The following PDE8A variants were observed in gnomAD, a reference collection of about 807,000 sequenced individuals.
The protein encoded by PDE8A is phosphodiesterase 8A, also known as high affinity cAMP-specific and IBMX-insensitive 3',5'-cyclic phosphodiesterase 8A.
A neutral mutation model predicts 105.0 loss-of-function variants in PDE8A; 59 were observed. That is an observed-to-expected ratio of 0.56 (90% CI 0.46 to 0.70). The LOEUF (loss-of-function observed/expected upper bound fraction) is 0.70. PDE8A is among the 30% of genes least tolerant of loss of function. The pLI is 0.00. For missense variants in PDE8A, 1,014 were observed against 1,045.9 expected (o/e 0.97, Z 0.42); for synonymous variants, 355 against 371.9 (o/e 0.95, Z 0.52).
Position 85,095,875 on chromosome 15 carries a change from T to TATATATATA in PDE8A, c.853-2073_853-2072insATATATATA, listed in dbSNP as rs200233444. The stretch of plus-strand genomic sequence containing the variant: ...AAGATCCTGAATATATATATATATA[T>TATATATATA]TTTTTTTATATATATATTTTTTGTT... On this transcript the variant is annotated intron_variant, in intron 8 of 21. Transcript: ENST00000394553. Among the ~76,000 whole-genome samples, 737 of 145,694 alleles carry TATATATATA rather than the reference T, an allele frequency of 5.1e-3. 5 individuals carry two copies. Among genetic ancestry groups the TATATATATA allele is most frequent in the African/African-American group, 0.016 (644 of 40,154 alleles).
At chr15:85,039,439 A>C (rs2080764451) in intron 1 of PDE8A, among the ~76,000 whole-genome samples, 1 of 152,082 alleles carries the variant, frequency 6.6e-6, no homozygotes, top group Non-Finnish European at 1.5e-5. Context: ...AAAAAAAAAA[A>C]AGATGGAAAA....
chr15:85,114,386 G>C (rs982713281), intron 14 of PDE8A, among the ~76,000 whole-genome samples: 1 of 152,190 alleles, frequency 6.6e-6, no homozygotes, highest in Admixed American at 6.5e-5. Context: ...GTGTAGAACA[G>C]AAAGATTGTC....
intron 4 of PDE8A, 145 bp downstream of exon 4, chr15:85,076,063 G>C (rs899894314): frequency 3.8e-6 from 2 of 528,882 alleles, no homozygotes; most frequent in African/African-American, 3.9e-5. Flanking sequence ...ATTTTATTTT[G>C]CTGCTTCAGT....
Position 85,041,237 on chromosome 15 carries a change from A to G in PDE8A, c.187-23133A>G, listed in dbSNP as rs184040185. ...ATTCATTACAAGTCAACTCAACCCC[A>G]AACCTATTTCCTACAGCATGACTGA... On this transcript the variant is annotated intron_variant, in intron 1 of 21. Coordinates refer to ENST00000394553, the MANE Select transcript of PDE8A (RefSeq NM_002605.3). 4.6e-4 allele frequency among the ~76,000 whole-genome samples: 70 copies of G among 152,378 alleles called. 1 individual carries two copies. The East Asian group carries it at 0.011, about 24-fold the overall frequency.
In PDE8A at chr15:85,076,409, A is replaced by T. The variant is rs182490738; in HGVS notation, c.492-324A>T. Among the ~76,000 whole-genome samples the T allele has an allele frequency of 6.6e-3, 981 of 148,318 alleles. 17 individuals are homozygous for T. Among genetic ancestry groups the T allele is most frequent in the African/African-American group, 0.023 (935 of 40,522 alleles). The stretch of plus-strand genomic sequence containing the variant: ...CTGAGCTGTAGGGGAGAAAGGAATT[A>T]AAAAAAAAACCTGGAAGTAGAAGAA... On this transcript the variant is annotated intron_variant, in intron 4 of 21. Coordinates refer to ENST00000394553, the MANE Select transcript of PDE8A (RefSeq NM_002605.3).
At chr15:84,982,533 C>G (rs2079733413) in intron 1 of PDE8A, among the ~76,000 whole-genome samples, 185 bp downstream of exon 1, 1 of 152,198 alleles carries the variant, frequency 6.6e-6, no homozygotes, top group African/African-American at 2.4e-5. Context: ...AGGACCGACC[C>G]AGGTCCCGCG....
At chr15:85,051,367 T>A (rs2080969518) in intron 1 of PDE8A, among the ~76,000 whole-genome samples, 1 of 152,254 alleles carries the variant, frequency 6.6e-6, no homozygotes. Context: ...GCATCCTTGC[T>A]TTGTTCCTGA....
chr15:85,132,659 T>C (rs1449713842), intron 20 of PDE8A, among the ~76,000 whole-genome samples: 1 of 152,038 alleles, frequency 6.6e-6, no homozygotes, highest in Admixed American at 6.5e-5. Context: ...AGAGATGAGG[T>C]TTCGCCAGGC....
chr15:85,136,902 A>G (rs2082419869), intron 21 of PDE8A, among the ~76,000 whole-genome samples: 1 of 152,094 alleles, frequency 6.6e-6, no homozygotes, highest in African/African-American at 2.4e-5. Flanking sequence ...GGGGCCCCAC[A>G]GCTTGTAGTA....
upstream of PDE8A, among the ~76,000 whole-genome samples, chr15:84,981,083 A>C (rs975400916): frequency 1.2e-4 from 19 of 152,196 alleles, no homozygotes; most frequent in Admixed American, 3.9e-4. Context: ...CAGGGCTCAC[A>C]CTTGGTGACC....
chr15:85,006,321 G>T (rs2080147064), intron 1 of PDE8A, among the ~76,000 whole-genome samples: 1 of 152,062 alleles, frequency 6.6e-6, no homozygotes, highest in Non-Finnish European at 1.5e-5. Flanking sequence ...GAGGGACAAG[G>T]TTCTGAACAA....
chr15:85,071,118 A>G (rs1437995663), intron 3 of PDE8A, among the ~76,000 whole-genome samples: 1 of 152,242 alleles, frequency 6.6e-6, no homozygotes, highest in Non-Finnish European at 1.5e-5. Flanking sequence ...TCTCTACTGT[A>G]TCTGTCGTAC....
intron 12 of PDE8A, among the ~76,000 whole-genome samples, chr15:85,111,721 C>A (rs1303570924): frequency 6.6e-6 from 1 of 152,188 alleles, no homozygotes; most frequent in Admixed American, 6.5e-5. Flanking sequence ...ATACACACAT[C>A]CTCCTGGGAT....
At chr15:85,026,494 A>T (rs1046852901) in intron 1 of PDE8A, among the ~76,000 whole-genome samples, 2 of 152,170 alleles carry the variant, frequency 1.3e-5, no homozygotes, top group South Asian at 4.1e-4. Context: ...GAACAAGGAC[A>T]TTTGATAACC....
chr15:85,097,971 C>G lies in PDE8A; in HGVS notation c.876C>G (p.Ala292=). 1 of 1,591,638 alleles carries G rather than the reference C, an allele frequency of 6.3e-7. No homozygotes were observed. The highest frequency in any genetic ancestry group is 8.6e-7 in the Non-Finnish European group (1 of 1,160,356). Residue 292 remains alanine, a synonymous_variant, in exon 9 of 22, where the codon GCC becomes GCG. Coordinates refer to ENST00000394553, the MANE Select transcript of PDE8A (RefSeq NM_002605.3). The stretch of plus-strand genomic sequence containing the variant: ...AGGAGTGGCAAGGAATTTACTATGC[C>G]AAAAAGAAAAACGGAGATAATATAC... ...IGKEWQGIYY[A]KKKNGDNIQQ... is the part of the protein sequence containing the mutation.
intron 11 of PDE8A, among the ~76,000 whole-genome samples, chr15:85,106,275 C>A (rs762482403): frequency 1.3e-5 from 2 of 152,008 alleles, no homozygotes; most frequent in Non-Finnish European, 2.9e-5. Flanking sequence ...CTCCTTTCTG[C>A]CCCCACTCCC....
Position 85,012,909 on chromosome 15 carries a change from C to G in PDE8A, c.186+30561C>G, listed in dbSNP as rs182009656. On this transcript the variant is annotated intron_variant, in intron 1 of 21. Coordinates refer to ENST00000394553, the MANE Select transcript of PDE8A (RefSeq NM_002605.3). ...TTATATTGGCTTGTATAATCACCCT[C>G]TTACTTTGGAAACAAAAGAGTGGGA... is the stretch of plus-strand genomic sequence containing the variant. Among the ~76,000 whole-genome samples, 417 of 152,266 alleles carry G rather than the reference C, an allele frequency of 2.7e-3. 2 individuals carry two copies. Among genetic ancestry groups the G allele is most frequent in the African/African-American group, 9.5e-3 (393 of 41,558 alleles).
intron 1 of PDE8A, among the ~76,000 whole-genome samples, chr15:84,988,116 C>G (rs572482707): frequency 6.6e-6 from 1 of 152,136 alleles, no homozygotes; most frequent in Non-Finnish European, 1.5e-5. Flanking sequence ...TCCTTTCAAC[C>G]CTGTGAGGTG....
chr15:84,994,585 G>A (rs539050152), intron 1 of PDE8A, among the ~76,000 whole-genome samples: 2 of 152,316 alleles, frequency 1.3e-5, no homozygotes, highest in South Asian at 4.1e-4. Context: ...TTTTACATTA[G>A]CATTTTACTG....
Sources: gnomAD v4.1 joint callset for allele counts (sites outside exome capture counted in the v4.1 genomes callset) on GRCh38, gnomAD v4.1.1 for gene constraint, MANE v1.5 for transcripts, NCBI Gene and HGNC (gene_info 2026-07-23, HGNC 2026-07-21) for gene names.